The following CAMTA1 variants were observed in gnomAD, a reference collection of about 807,000 sequenced individuals.
CAMTA1 encodes the protein calmodulin-binding transcription activator 1.
Under a neutral mutation model 170.9 loss-of-function variants are expected in CAMTA1, and 27 were observed. The observed-to-expected ratio is 0.16, with a 90% CI of 0.12 to 0.22. The LOEUF (loss-of-function observed/expected upper bound fraction) is 0.22. Among genes scored for constraint, CAMTA1 ranks in the 10% least tolerant of loss-of-function variants. The pLI is 1.00. For synonymous variants in CAMTA1, 833 were observed against 891.5 expected, an observed-to-expected ratio of 0.93 and a Z score of 1.17; for missense variants, 1,619 against 2,217.2, an observed-to-expected ratio of 0.73 and a Z score of 5.42.
At chr1:7,314,654 G>A (rs1275801553) in intron 5 of CAMTA1, among the ~76,000 whole-genome samples, 1 of 152,194 alleles carries the variant, frequency 6.6e-6, no homozygotes, top group African/African-American at 2.4e-5. Flanking sequence ...CAAGAGCAGA[G>A]CTTTTAAATC....
At chr1:7,605,511 C>T (rs548144940) in intron 6 of CAMTA1, among the ~76,000 whole-genome samples, 13 of 152,312 alleles carry the variant, frequency 8.5e-5, no homozygotes, top group African/African-American at 3.1e-4. Flanking sequence ...TCCTGGTGTG[C>T]CGTTTGCTAA....
chr1:7,218,423 C>T (rs1042920200), intron 4 of CAMTA1, among the ~76,000 whole-genome samples: 62 of 152,080 alleles, frequency 4.1e-4, no homozygotes, highest in Admixed American at 1.3e-3. Flanking sequence ...TCAAGAGCTC[C>T]CTCTTCTGTC....
At chr1:6,986,395 C>G (rs1368817979) in intron 3 of CAMTA1, among the ~76,000 whole-genome samples, 1 of 152,156 alleles carries the variant, frequency 6.6e-6, no homozygotes, top group Non-Finnish European at 1.5e-5. Context: ...TTGGGGAGGG[C>G]TCACTGGGCA....
In CAMTA1 at chr1:7,390,332, G is replaced by A. The variant is rs546030296; in HGVS notation, c.439-77498G>A. Among the ~76,000 whole-genome samples, 203 of 152,322 alleles carry A rather than the reference G, an allele frequency of 1.3e-3. 1 individual carries two copies. The highest frequency in any genetic ancestry group is 4.6e-3 in the African/African-American group (193 of 41,572). On this transcript the variant is annotated intron_variant, in intron 5 of 22. Coordinates refer to ENST00000303635, the MANE Select transcript of CAMTA1 (RefSeq NM_015215.4). ...CAGCTCAGGGACCTGCTGTCCTCAG[G>A]CTCATTCCAGGTGGGTGCCTTGGCC...
chr1:7,336,613 A>ATT (rs1351137126), intron 5 of CAMTA1, among the ~76,000 whole-genome samples: 7 of 152,148 alleles, frequency 4.6e-5, no homozygotes, highest in Admixed American at 1.3e-4. Context: ...TTGTTACATA[A>ATT]ATGACTTGGG....
intron 3 of CAMTA1, among the ~76,000 whole-genome samples, chr1:7,031,314 A>T (rs1702770508): frequency 6.6e-6 from 1 of 152,060 alleles, no homozygotes; most frequent in Admixed American, 6.5e-5. Flanking sequence ...TCTATAATTA[A>T]CTTCTCTATT....
At chr1:6,926,481 T>TTTCC (rs1229912151) in intron 3 of CAMTA1, among the ~76,000 whole-genome samples, 3 of 144,098 alleles carry the variant, frequency 2.1e-5, no homozygotes, top group African/African-American at 8.0e-5. Context: ...TCTTTCTTTC[T>TTTCC]TTCTTTCTCT....
intron 2 of CAMTA1, among the ~76,000 whole-genome samples, chr1:6,820,650 A>G (rs1646381302): frequency 6.6e-6 from 1 of 152,148 alleles, no homozygotes; most frequent in African/African-American, 2.4e-5. Flanking sequence ...ATCTTGGGCA[A>G]ATTAATCTGA....
chr1:7,107,259 C>T (rs1175164114), intron 4 of CAMTA1, among the ~76,000 whole-genome samples: 2 of 110,076 alleles, frequency 1.8e-5, no homozygotes, highest in African/African-American at 4.1e-5. Flanking sequence ...GGTGTGTGTG[C>T]ATGTGTATGT....
intron 6 of CAMTA1, among the ~76,000 whole-genome samples, chr1:7,612,473 A>C (rs1051511829): frequency 6.6e-6 from 1 of 152,172 alleles, no homozygotes; most frequent in Non-Finnish European, 1.5e-5. Context: ...ATATGAGTAC[A>C]GGATAGGAGG....
intron 6 of CAMTA1, among the ~76,000 whole-genome samples, chr1:7,540,671 G>T (rs2150104405): frequency 6.6e-6 from 1 of 152,324 alleles, no homozygotes; most frequent in African/African-American, 2.4e-5. Context: ...GGACGTATGG[G>T]CCTAATTGCT....
chr1:7,304,913 T>G (rs1675348566), intron 5 of CAMTA1, among the ~76,000 whole-genome samples: 1 of 152,022 alleles, frequency 6.6e-6, no homozygotes, highest in African/African-American at 2.4e-5. Flanking sequence ...ATGTATGACA[T>G]AGAGAGGCCA....
intron 6 of CAMTA1, among the ~76,000 whole-genome samples, chr1:7,495,183 A>G (rs2093806877): frequency 6.6e-6 from 1 of 152,226 alleles, no homozygotes; most frequent in Non-Finnish European, 1.5e-5. Context: ...ATCTCCAACC[A>G]GACAGCAAGC....
intron 4 of CAMTA1, among the ~76,000 whole-genome samples, chr1:7,110,270 C>T (rs1643935536): frequency 6.6e-6 from 1 of 151,668 alleles, no homozygotes. Context: ...TTTTCAGCAC[C>T]CCCCTTCCCC....
chr1:7,470,147 G>A (rs2093303947), intron 6 of CAMTA1, among the ~76,000 whole-genome samples: 1 of 152,188 alleles, frequency 6.6e-6, no homozygotes, highest in Non-Finnish European at 1.5e-5. Flanking sequence ...GTGTCCTCCA[G>A]CATCAGACTT....
At position 7,293,790 on chromosome 1, in the gene CAMTA1, G is replaced by T. The variant is rs868079146; in HGVS notation, c.438+44164G>T. On this transcript the variant is annotated intron_variant, in intron 5 of 22. Transcript: ENST00000303635. This position sits in a 1 kb window ranked among gnomAD's most constrained non-coding sequence, Gnocchi z 4.1. ...GTAATGTTGCTGCCTCCCGATGGCTGCCCAGGGTTTCCAGCTCTCCCGTGC... is the reference window on the plus strand; with the variant it reads ...GTAATGTTGCTGCCTCCCGATGGCTTCCCAGGGTTTCCAGCTCTCCCGTGC... Among the ~76,000 whole-genome samples the T allele has an allele frequency of 2.0e-5, 3 of 152,194 alleles. No individual in the cohort carries two copies. The highest frequency in any genetic ancestry group is 7.2e-5 in the African/African-American group (3 of 41,454).
chr1:7,161,079 T>A (rs1007943692), intron 4 of CAMTA1, among the ~76,000 whole-genome samples: 5 of 152,230 alleles, frequency 3.3e-5, no homozygotes, highest in African/African-American at 1.2e-4. Context: ...CTTCATTCTA[T>A]AAACCTCAAT....
At chr1:7,058,869 A>T (rs1707776584) in intron 3 of CAMTA1, among the ~76,000 whole-genome samples, 1 of 137,556 alleles carries the variant, frequency 7.3e-6, no homozygotes, top group Admixed American at 7.4e-5. Context: ...ACACACACAC[A>T]TACACACACA....
In CAMTA1 at chr1:6,826,337, C is replaced by T. The variant is rs767583367; in HGVS notation, c.234+1127C>T. Among the ~76,000 whole-genome samples the T allele has an allele frequency of 7.2e-5, 11 of 152,290 alleles. No homozygotes were observed. In the East Asian group the frequency reaches 7.7e-4, roughly 11 times the overall value. On this transcript the variant is annotated intron_variant, in intron 3 of 22. Transcript: ENST00000303635. Reference sequence around the variant, plus strand: ...ATCATTTTCATAAATTACATTTTCCCGTCAGACAGAATGTTTTTGCTTTGA... The same window carrying T: ...ATCATTTTCATAAATTACATTTTCCTGTCAGACAGAATGTTTTTGCTTTGA...
Sources: allele counts gnomAD v4.1 joint callset (sites outside exome capture counted in the v4.1 genomes callset), GRCh38; gene constraint gnomAD v4.1.1; non-coding constraint Gnocchi (gnomAD v3.1); transcripts MANE v1.5; gene names NCBI Gene and HGNC (gene_info 2026-07-23, HGNC 2026-07-21).